NKAIN2: variants seen among roughly 807,000 people sequenced by gnomAD.
The protein encoded by NKAIN2 is sodium/potassium-transporting ATPase subunit beta-1-interacting protein 2.
In NKAIN2, 14 loss-of-function variants were observed where a neutral mutation model predicts 32.6. The ratio of observed to expected loss-of-function variants is 0.43; its 90% confidence interval spans 0.28 to 0.67. The LOEUF (loss-of-function observed/expected upper bound fraction) is 0.67. Ranked by LOEUF, NKAIN2 falls within the 30% of genes least tolerant of loss-of-function variation. The probability of loss-of-function intolerance (pLI) is 0.17; values close to 1 mark genes in which losing one functional copy is unlikely to be tolerated. For missense variants in NKAIN2, 198 were observed against 258.3 expected (o/e 0.77, Z 1.60); for synonymous variants, 80 against 87.2 (o/e 0.92, Z 0.46).
chr6:124,217,326 A>G (rs1285244805), intron 1 of NKAIN2, among the ~76,000 whole-genome samples: 3 of 152,032 alleles, frequency 2.0e-5, no homozygotes, highest in African/African-American at 7.2e-5. Flanking sequence ...AGAAATTAGT[A>G]TTTTACAAAT....
chr6:124,714,220 G>A (rs879559539), intron 4 of NKAIN2, among the ~76,000 whole-genome samples: 3 of 152,100 alleles, frequency 2.0e-5, no homozygotes, highest in Admixed American at 2.0e-4. Context: ...TTAAGCTAAA[G>A]CTTCCCAGTT....
chr6:124,805,268 C>T (rs1295514514), intron 5 of NKAIN2, among the ~76,000 whole-genome samples: 1 of 152,156 alleles, frequency 6.6e-6, no homozygotes, highest in African/African-American at 2.4e-5. Context: ...ACATCTCACA[C>T]GGCCGGGTAC....
intron 1 of NKAIN2, among the ~76,000 whole-genome samples, chr6:124,037,117 C>G (rs571348593): frequency 6.6e-6 from 1 of 152,146 alleles, no homozygotes; most frequent in South Asian, 2.1e-4. Flanking sequence ...CATTGTCAGG[C>G]AGAGAGGCGA....
chr6:123,940,903 T>A (rs763819542), intron 1 of NKAIN2, among the ~76,000 whole-genome samples: 2 of 152,090 alleles, frequency 1.3e-5, no homozygotes, highest in Non-Finnish European at 2.9e-5. Flanking sequence ...ATTTTTACTT[T>A]ATAAAATTTT....
chr6:124,755,154 C>A (rs1777903496), intron 4 of NKAIN2, among the ~76,000 whole-genome samples: 1 of 152,082 alleles, frequency 6.6e-6, no homozygotes, highest in African/African-American at 2.4e-5. Context: ...TAGCTGAAGG[C>A]CTGAGAGCCC....
At chr6:123,947,177 A>C (rs958951733) in intron 1 of NKAIN2, among the ~76,000 whole-genome samples, 1 of 152,182 alleles carries the variant, frequency 6.6e-6, no homozygotes, top group Non-Finnish European at 1.5e-5. Context: ...TAATGCAGTT[A>C]TTCTAGCCCT....
chr6:124,094,492 T>G (rs1784568205), intron 1 of NKAIN2, among the ~76,000 whole-genome samples: 2 of 152,126 alleles, frequency 1.3e-5, no homozygotes, highest in African/African-American at 4.8e-5. Flanking sequence ...GGAATCCACA[T>G]GTTAGGTGCT....
chr6:123,810,933 A>AT (rs1373448604), intron 1 of NKAIN2, among the ~76,000 whole-genome samples: 1 of 152,118 alleles, frequency 6.6e-6, no homozygotes, highest in Non-Finnish European at 1.5e-5. Flanking sequence ...TTAAACATAG[A>AT]TTTTTGGGCC....
chr6:124,365,988 C>T (rs1477081326), intron 3 of NKAIN2, among the ~76,000 whole-genome samples: 1 of 151,538 alleles, frequency 6.6e-6, no homozygotes, highest in Admixed American at 6.6e-5. Context: ...TGCAGAAATG[C>T]TTAGAGGAAA....
chr6:123,878,448 T>C (rs1412439528), intron 1 of NKAIN2, among the ~76,000 whole-genome samples: 1 of 152,164 alleles, frequency 6.6e-6, no homozygotes, highest in Non-Finnish European at 1.5e-5. Flanking sequence ...TTGTCAACCT[T>C]TTAATTTTGT....
intron 2 of NKAIN2, among the ~76,000 whole-genome samples, chr6:124,327,004 T>C (rs1409168347): frequency 6.6e-6 from 1 of 152,086 alleles, no homozygotes; most frequent in Non-Finnish European, 1.5e-5. Context: ...TTCTTGCCAA[T>C]AGGAGTGAGT....
intron 3 of NKAIN2, among the ~76,000 whole-genome samples, chr6:124,513,949 G>A (rs994749041): frequency 6.6e-6 from 1 of 152,254 alleles, no homozygotes; most frequent in African/African-American, 2.4e-5. Context: ...CTTTGAGGAC[G>A]AAAATCTTAG....
At chr6:123,835,963 CT>C (rs1185762921) in intron 1 of NKAIN2, among the ~76,000 whole-genome samples, 2 of 151,836 alleles carry the variant, frequency 1.3e-5, no homozygotes, top group Non-Finnish European at 2.9e-5. Context: ...TAAAATACAC[CT>C]TCTCTACAAT....
intron 1 of NKAIN2, among the ~76,000 whole-genome samples, chr6:124,068,176 T>A (rs995282643): frequency 6.6e-6 from 1 of 152,162 alleles, no homozygotes; most frequent in Non-Finnish European, 1.5e-5. Context: ...CTATTAATAA[T>A]AATGTACTAG....
rs1554222341 is a variant in NKAIN2 at position 123,911,787 on chromosome 6, A to ATG, written c.54+107534_54+107535insGT. On this transcript the variant is annotated intron_variant, in intron 1 of 6. Transcript: ENST00000368417. ...GTCGTATATATACATACATACATAT[A>ATG]TATATATATATATGTATATATATAT... is the stretch of plus-strand genomic sequence containing the variant. Among the ~76,000 whole-genome samples the ATG allele has an allele frequency of 6.8e-3, 484 of 71,162 alleles. 19 individuals carry two copies. The highest frequency in any genetic ancestry group is 0.024 in the African/African-American group (456 of 18,678). The allele number at this position is 71,162 out of a possible 152,430, so 46.7% of individuals were successfully genotyped here.
chr6:124,723,348 A>C (rs750096596), intron 4 of NKAIN2, among the ~76,000 whole-genome samples: 4 of 152,230 alleles, frequency 2.6e-5, no homozygotes, highest in Non-Finnish European at 5.9e-5. Flanking sequence ...GGAAACTATA[A>C]GCACTTTCAT....
chr6:124,812,723 C>G (rs187914522), intron 5 of NKAIN2, among the ~76,000 whole-genome samples: 1 of 151,136 alleles, frequency 6.6e-6, no homozygotes, highest in Admixed American at 6.6e-5. Context: ...AACACCAACT[C>G]CCTTTTGACC....
chr6:124,277,159 G>T (rs1036738149), intron 1 of NKAIN2, among the ~76,000 whole-genome samples: 4 of 152,214 alleles, frequency 2.6e-5, no homozygotes, highest in African/African-American at 9.6e-5. Flanking sequence ...TAAGATCTCT[G>T]TGGGGCAGGA....
At chr6:124,554,802 T>A (rs1212995189) in intron 3 of NKAIN2, among the ~76,000 whole-genome samples, 4 of 152,184 alleles carry the variant, frequency 2.6e-5, no homozygotes, top group Non-Finnish European at 5.9e-5. Context: ...TTTCTGAGCA[T>A]CAGGGAGGGA....
Sources: gnomAD v4.1 joint callset for allele counts (sites outside exome capture counted in the v4.1 genomes callset) on GRCh38, gnomAD v4.1.1 for gene constraint, MANE v1.5 for transcripts, NCBI Gene and HGNC (gene_info 2026-07-23, HGNC 2026-07-21) for gene names.